AMD1: variants seen among roughly 807,000 people sequenced by gnomAD.
AMD1 encodes the protein adenosylmethionine decarboxylase 1.
A neutral mutation model predicts 40.2 loss-of-function variants in AMD1; 11 were observed. The observed-to-expected ratio is 0.27, with a 90% CI of 0.17 to 0.45. The LOEUF (loss-of-function observed/expected upper bound fraction) is 0.45, where lower values mean the gene tolerates loss of function less well. Among genes scored for constraint, AMD1 ranks in the 20% least tolerant of loss-of-function variants. The pLI, the probability that AMD1 is intolerant of heterozygous loss-of-function variation, is 1.00. For missense variants in AMD1, 257 were observed against 410.2 expected (o/e 0.63, Z 3.23); for synonymous variants, 121 against 130.8 (o/e 0.93, Z 0.51).
At chr6:110,887,342 T>TA (rs1785754142) in intron 1 of AMD1, among the ~76,000 whole-genome samples, 163 bp from the exon 2 acceptor site, 1 of 152,198 alleles carries the variant, frequency 6.6e-6, no homozygotes, top group Admixed American at 6.5e-5. Flanking sequence ...TACCTATCAT[T>TA]TATCTGGGTG....
rs1240837726 is a variant in AMD1, at chr6:110,874,930, A to ATTTT, written c.-175_-172dup. ...CTTTCGCTCACACAAAGCCGGGAAA[A>ATTTT]TTTTATTAGTCCTTTTTTTAAAAAA... On this transcript the variant is annotated 5_prime_UTR_variant, in exon 1 of 9. Transcript: ENST00000368885. The ATTTT allele has an allele frequency of 3.5e-6, 2 of 579,546 alleles. No homozygotes were observed. The highest frequency in any genetic ancestry group is 6.1e-6 in the Non-Finnish European group (2 of 330,566). 35.9% of individuals were successfully genotyped at this position (579,546 alleles called of 1,614,324 possible).
At chr6:110,844,081 C>T in the AMD1 span, among the ~76,000 whole-genome samples, 1 of 152,082 alleles carries the variant, frequency 6.6e-6, no homozygotes, top group Admixed American at 6.5e-5. Context: ...ATCCTGCCTC[C>T]TATAAGCAGT....
chr6:110,819,133 G>A, the AMD1 span, among the ~76,000 whole-genome samples: 11 of 152,228 alleles, frequency 7.2e-5, no homozygotes, highest in South Asian at 2.1e-3. Context: ...CGAGGTGGGC[G>A]GATCACCTCA....
intron 6 of AMD1, 45 bp downstream of exon 6, chr6:110,892,488 G>C (rs778411242): frequency 5.6e-6 from 9 of 1,600,192 alleles, no homozygotes; most frequent in Non-Finnish European, 6.0e-6. Flanking sequence ...TTCTGCGTGG[G>C]GACTAAATTT....
the AMD1 span, chr6:110,859,085 C>A: frequency 7.8e-7 from 1 of 1,280,160 alleles, no homozygotes; most frequent in Non-Finnish European, 1.1e-6. Flanking sequence ...CTCCCTCGGG[C>A]GCGCAGGCTC....
chr6:110,847,315 G>A, the AMD1 span, among the ~76,000 whole-genome samples: 2 of 152,144 alleles, frequency 1.3e-5, no homozygotes, highest in East Asian at 3.9e-4. Context: ...CACAAGGTCA[G>A]GAGATTGAGA....
the AMD1 span, among the ~76,000 whole-genome samples, chr6:110,863,147 A>G: frequency 2.7e-5 from 4 of 150,744 alleles, no homozygotes; most frequent in Non-Finnish European, 5.9e-5. Flanking sequence ...GGGTTTCACT[A>G]TGTTAGCCAG....
chr6:110,883,726 G>A (rs1483885013), intron 1 of AMD1, among the ~76,000 whole-genome samples: 1 of 152,022 alleles, frequency 6.6e-6, no homozygotes, highest in Non-Finnish European at 1.5e-5. Flanking sequence ...CAAGTAGCTG[G>A]GACTACAGGT....
chr6:110,858,652 C>G, the AMD1 span: 1 of 1,224,930 alleles, frequency 8.2e-7, no homozygotes, highest in Non-Finnish European at 1.2e-6. Context: ...GGCTGCAGAG[C>G]GGGGTGGACA....
At chr6:110,845,164 A>G in the AMD1 span, among the ~76,000 whole-genome samples, 1 of 148,784 alleles carries the variant, frequency 6.7e-6, no homozygotes, top group African/African-American at 2.5e-5. Context: ...TCAGCCTCCC[A>G]AGTAGCTGAG....
the AMD1 span, among the ~76,000 whole-genome samples, chr6:110,863,601 C>T: frequency 7.4e-5 from 11 of 149,460 alleles, no homozygotes; most frequent in East Asian, 1.6e-3. Flanking sequence ...AACGCCTGAC[C>T]TCAGGTGATC....
At chr6:110,828,862 A>G in the AMD1 span, among the ~76,000 whole-genome samples, 1 of 152,062 alleles carries the variant, frequency 6.6e-6, no homozygotes, top group Non-Finnish European at 1.5e-5. Flanking sequence ...GGTGCCTTTC[A>G]TCTGTCCTGC....
rs1387223830 is a variant in AMD1, at chr6:110,893,907, T to G, written c.*291T>G. ...TTTACTATATGAAACTTTACAACAC[T>G]TGTGAAAGCAACTCAATTTGGTTTA... On this transcript the variant is annotated 3_prime_UTR_variant, in exon 9 of 9. Coordinates refer to ENST00000368885, the MANE Select transcript of AMD1 (RefSeq NM_001634.6). 9.2e-6 allele frequency: 3 copies of G among 325,038 alleles called. No individual in the cohort carries two copies. The highest frequency in any genetic ancestry group is 8.6e-5 in the Admixed American group (2 of 23,282). 20.1% of individuals were successfully genotyped at this position (325,038 alleles called of 1,614,324 possible).
chr6:110,823,722 G>A, the AMD1 span, among the ~76,000 whole-genome samples: 1 of 152,138 alleles, frequency 6.6e-6, no homozygotes, highest in African/African-American at 2.4e-5. Flanking sequence ...TTAATAGGGT[G>A]TCTTTTCCCT....
At chr6:110,837,698 C>T in the AMD1 span, among the ~76,000 whole-genome samples, 3 of 98,256 alleles carry the variant, frequency 3.1e-5, no homozygotes, top group Admixed American at 1.6e-4. Context: ...GTGACAAGAG[C>T]GAAACTCCAT....
At chr6:110,817,363 A>G in the AMD1 span, among the ~76,000 whole-genome samples, 2 of 152,320 alleles carry the variant, frequency 1.3e-5, no homozygotes, top group Admixed American at 1.3e-4. Context: ...TAATCCCAGC[A>G]CTTTGGGAGG....
the AMD1 span, among the ~76,000 whole-genome samples, chr6:110,827,262 C>T: frequency 0.014 from 2,067 of 151,530 alleles, 58 homozygotes; most frequent in African/African-American, 0.048. Context: ...TATCCATGGA[C>T]AGGACTTTCT....
intron 1 of AMD1, among the ~76,000 whole-genome samples, chr6:110,886,658 A>C (rs1026933248): frequency 6.6e-6 from 1 of 152,206 alleles, no homozygotes; most frequent in African/African-American, 2.4e-5. Context: ...CTGTGGTTCT[A>C]GCTACCTGAG....
At chr6:110,850,255 C>A in the AMD1 span, among the ~76,000 whole-genome samples, 1 of 152,114 alleles carries the variant, frequency 6.6e-6, no homozygotes, top group East Asian at 1.9e-4. Flanking sequence ...ACATAACATA[C>A]AACTTCATCA....
Sources: allele counts gnomAD v4.1 joint callset (sites outside exome capture counted in the v4.1 genomes callset), GRCh38; gene constraint gnomAD v4.1.1; transcripts MANE v1.5; gene names NCBI Gene and HGNC (gene_info 2026-07-23, HGNC 2026-07-21).